OTOP3: variants seen among roughly 807,000 people sequenced by gnomAD.
OTOP3 encodes the protein proton channel OTOP3.
A neutral mutation model predicts 50.8 loss-of-function variants in OTOP3; 41 were observed. The ratio of observed to expected loss-of-function variants is 0.81; its 90% CI spans 0.63 to 1.05. The LOEUF (loss-of-function observed/expected upper bound fraction) is 1.05, where lower values mean the gene tolerates loss of function less well. OTOP3 is among the 50% of genes least tolerant of loss of function. The pLI, the probability that OTOP3 is intolerant of heterozygous loss-of-function variation, is 0.00. For missense variants in OTOP3, 788 were observed against 760.8 expected (o/e 1.04, Z -0.42); for synonymous variants, 320 against 324.4 (o/e 0.99, Z 0.14).
At chr17:74,949,208 G>A in intron 6 of OTOP3, 38 bp from the exon 7 acceptor site, 1 of 1,603,246 alleles carries the variant, frequency 6.2e-7, no homozygotes, top group Non-Finnish European at 8.5e-7. Context: ...TGGGGCACAG[G>A]AGAGCCCTTC....
At position 74,936,093 on chromosome 17, in the gene OTOP3, A is replaced by C. The variant is rs1377702890; in HGVS notation, c.19+153A>C. ...ACTGTGGAGAGGTGAACTCCCTTTAATCTGAGGCCGGCCCCTCCACCCGCC... is the reference window on the plus strand; with the variant it reads ...ACTGTGGAGAGGTGAACTCCCTTTACTCTGAGGCCGGCCCCTCCACCCGCC... On this transcript the variant is annotated intron_variant, in intron 1 of 6. Coordinates refer to ENST00000328801, the MANE Select transcript of OTOP3 (RefSeq NM_001272005.2). Among the ~76,000 whole-genome samples the C allele has an allele frequency of 2.0e-5, 3 of 152,134 alleles. No individual in the cohort carries two copies. The East Asian group carries it at 5.8e-4, about 29-fold the overall frequency.
intron 3 of OTOP3, among the ~76,000 whole-genome samples, 172 bp from the exon 4 acceptor site, chr17:74,943,114 G>A (rs979978596): frequency 6.6e-6 from 1 of 152,192 alleles, no homozygotes; most frequent in Admixed American, 6.5e-5. Context: ...AAGGCTCAGA[G>A]ATGGTTTGCC....
chr17:74,940,768 T>A (rs1423722668), intron 1 of OTOP3, among the ~76,000 whole-genome samples: 1 of 152,100 alleles, frequency 6.6e-6, no homozygotes, highest in Non-Finnish European at 1.5e-5. Flanking sequence ...TGCTCCCTGG[T>A]GCCAAAAAAG....
chr17:74,935,822 G>GA (rs2039108264), upstream of OTOP3: 4 of 1,515,822 alleles, frequency 2.6e-6, no homozygotes, highest in African/African-American at 4.2e-5. Context: ...GAGCCCGAGC[G>GA]GCGGCTGCGC....
In OTOP3 at chr17:74,936,362, G is replaced by C. The variant is rs891356333; in HGVS notation, c.19+422G>C. Among the ~76,000 whole-genome samples the C allele has an allele frequency of 2.6e-5, 4 of 152,300 alleles. No individual in the cohort carries two copies. The South Asian group carries it at 8.3e-4, about 32-fold the overall frequency. On this transcript the variant is annotated intron_variant, in intron 1 of 6. Transcript: ENST00000328801. ...GGCGCCCGCACTCAGCAGCCTCCTC[G>C]GAGCCGGCCCTGCGCTGCTGGGCCG...
At chr17:74,941,358 T>C in intron 1 of OTOP3, 35 bp from the exon 2 acceptor site, 1 of 1,453,196 alleles carries the variant, frequency 6.9e-7, no homozygotes, top group Non-Finnish European at 9.1e-7. Context: ...CAGGACAGCC[T>C]GGCAGTTAAC....
chr17:74,947,436 C>A lies in OTOP3; in HGVS notation c.1527C>A (p.Leu509=), dbSNP rs779631851. ...YSHLNWKRRA[L]KEISLFLILC... The stretch of plus-strand genomic sequence containing the variant: ...ACCTCAACTGGAAGCGGAGGGCACT[C>A]AAGGAGATCTCACTCTTCCTCATCC... The change falls in exon 6 of 7, where the codon CTC becomes CTA. Residue 509 remains leucine (L), a synonymous_variant. Transcript: ENST00000328801. 4 of 1,610,768 alleles carry A rather than the reference C, an allele frequency of 2.5e-6. No homozygotes were observed. The South Asian group carries it at 4.4e-5, about 18-fold the overall frequency.
In OTOP3 at chr17:74,943,362, C is replaced by T; in HGVS notation, c.632+18C>T. ...TTCACTAGGTAAGACTTCTCTCCCT[C>T]CCAAACCCTCTGGCCTCTCTGTCCT... On this transcript the variant is annotated intron_variant, in intron 4 of 6. Coordinates refer to ENST00000328801, the MANE Select transcript of OTOP3 (RefSeq NM_001272005.2). 6.2e-7 allele frequency: 1 copy of T among 1,610,986 alleles called. No homozygotes were observed.
rs537929901 is a variant in OTOP3, at chr17:74,945,693, G to A, written c.752-968G>A. Among the ~76,000 whole-genome samples, 6 of 152,292 alleles carry A rather than the reference G, an allele frequency of 3.9e-5. No individual in the cohort carries two copies. The South Asian group carries it at 6.2e-4, about 16-fold the overall frequency. The stretch of plus-strand genomic sequence containing the variant: ...CTGCTAAGGCCGATGGCTGGGTTCC[G>A]CTGTCACAGCCACGGGTTTTCCCTT... On this transcript the variant is annotated intron_variant, in intron 5 of 6. Coordinates refer to ENST00000328801, the MANE Select transcript of OTOP3 (RefSeq NM_001272005.2).
rs759604087 is a variant in OTOP3 at position 74,946,684 on chromosome 17, T to C, written c.775T>C (p.Cys259Arg). 3 of 1,611,462 alleles carry C rather than the reference T, an allele frequency of 1.9e-6. No homozygotes were observed. In the Admixed American group the frequency reaches 5.0e-5, roughly 27 times the overall value. The change falls in exon 6 of 7, where the codon TGC becomes CGC. Residue 259 changes from cysteine to arginine, a missense_variant. Transcript: ENST00000328801. The part of the protein sequence containing the change: ...STGNETNTCL[C>R]LNATACEAFR... ...AGGCAATGAGACCAACACCTGTCTGTGCCTCAATGCCACCGCGTGTGAAGC... is the reference window on the plus strand; with the variant it reads ...AGGCAATGAGACCAACACCTGTCTGCGCCTCAATGCCACCGCGTGTGAAGC...
rs115086379 is a variant in OTOP3, at chr17:74,943,688, G to A, written c.715G>A (p.Glu239Lys). 2.1e-3 allele frequency: 3,379 copies of A among 1,611,054 alleles called. 76 individuals carry two copies. The African/African-American group carries it at 0.039, about 18-fold the overall frequency. Reference protein sequence around the residue: ...VTNDSMHREIEAELGILMEKS... With the variant: ...VTNDSMHREIKAELGILMEKS... ...CAATGACTCCATGCACCGAGAGATC[G>A]AAGCTGAGCTTGGCATCCTCATGGA... is the stretch of plus-strand genomic sequence containing the variant. Residue 239 changes from glutamate (E) to lysine (K), a missense_variant, in exon 5 of 7, where the codon GAA becomes AAA. Physicochemically the swap from Glu to Lys is moderately conservative, Grantham distance 56. Coordinates refer to ENST00000328801, the MANE Select transcript of OTOP3 (RefSeq NM_001272005.2).
intron 1 of OTOP3, among the ~76,000 whole-genome samples, chr17:74,937,528 G>C (rs2039131061): frequency 6.6e-6 from 1 of 152,200 alleles, no homozygotes; most frequent in African/African-American, 2.4e-5. Flanking sequence ...ATGGAGCAGG[G>C]AGACATCCCG....
Position 74,941,592 on chromosome 17 carries a change from G to T in OTOP3, c.219G>T (p.Ser73=). The T allele has an allele frequency of 6.2e-7, 1 of 1,612,600 alleles. No homozygotes were observed. Among genetic ancestry groups the T allele is most frequent in the South Asian group, 1.1e-5 (1 of 90,860 alleles). The change falls in exon 2 of 7, where the codon TCG becomes TCT. Residue 73 remains serine, a synonymous_variant. Coordinates refer to ENST00000328801, the MANE Select transcript of OTOP3 (RefSeq NM_001272005.2). ...RQAQKAGQLF[S]GLLALNVVFL... is the part of the protein sequence containing the mutation. ...CCCAGAAGGCTGGACAACTCTTCTC[G>T]GGGCTCCTGGCCCTGAATGTGGTGT... is the stretch of plus-strand genomic sequence containing the variant.
Position 74,949,636 on chromosome 17 carries a change from G to T in OTOP3, c.*220G>T. ...CTTCTGATGCCCACGGCCAGGCCTGGGCACATGCCTGCCCCCTGCCTTCCC... is the reference window on the plus strand; with the variant it reads ...CTTCTGATGCCCACGGCCAGGCCTGTGCACATGCCTGCCCCCTGCCTTCCC... On this transcript the variant is annotated 3_prime_UTR_variant, in exon 7 of 7. Coordinates refer to ENST00000328801, the MANE Select transcript of OTOP3 (RefSeq NM_001272005.2). 1.8e-6 allele frequency: 1 copy of T among 565,214 alleles called. No individual in the cohort carries two copies. Among genetic ancestry groups the T allele is most frequent in the Non-Finnish European group, 3.1e-6 (1 of 326,032 alleles). The allele number at this position is 565,214 out of a possible 1,614,324, so 35.0% of individuals were successfully genotyped here.
At chr17:74,948,256 G>A (rs1347143692) in intron 6 of OTOP3, among the ~76,000 whole-genome samples, 1 of 152,192 alleles carries the variant, frequency 6.6e-6, no homozygotes, top group East Asian at 1.9e-4. Context: ...GGGCACAGTG[G>A]CTCACACCTG....
intron 4 of OTOP3, 82 bp from the exon 5 acceptor site, chr17:74,943,524 G>T: frequency 7.0e-7 from 1 of 1,430,206 alleles, no homozygotes; most frequent in East Asian, 2.3e-5. Context: ...GTGAGTGGTT[G>T]CCCCAACAAC....
intron 5 of OTOP3, 21 bp downstream of exon 5, chr17:74,943,745 C>A: frequency 4.1e-6 from 6 of 1,478,758 alleles, no homozygotes; most frequent in Non-Finnish European, 5.6e-6. Context: ...GAGACCAGGT[C>A]TTCCTTGCCC....
chr17:74,947,280 C>T lies in OTOP3; in HGVS notation c.1371C>T (p.Arg457=), dbSNP rs2039238339. The T allele has an allele frequency of 3.1e-6, 5 of 1,613,552 alleles. No homozygotes were observed. The highest frequency in any genetic ancestry group is 3.3e-4 in the Middle Eastern group (2 of 6,062). The part of the protein sequence containing the change: ...NLFIIEGLHR[R]PLWETVPEGL... ...TCATCATCGAGGGCCTGCACCGGCG[C>T]CCACTCTGGGAGACAGTTCCCGAGG... The change falls in exon 6 of 7, where the codon CGC becomes CGT. Residue 457 remains arginine (R), a synonymous_variant. Coordinates refer to ENST00000328801, the MANE Select transcript of OTOP3 (RefSeq NM_001272005.2).
In OTOP3 at chr17:74,946,538, A is replaced by G. The variant is rs554613252; in HGVS notation, c.752-123A>G. 5.1e-6 allele frequency: 4 copies of G among 781,968 alleles called. No homozygotes were observed. In the African/African-American group the frequency reaches 6.9e-5, roughly 14 times the overall value. 48.4% of individuals were successfully genotyped at this position (781,968 alleles called of 1,614,324 possible). A position where few individuals can be genotyped will look rare whatever the true frequency, so the allele number is the denominator to read the frequency against. On this transcript the variant is annotated intron_variant, in intron 5 of 6. Transcript: ENST00000328801. ...GGGCCTCAGTTTCCACATTGGTAAA[A>G]TGAGCGGCTGGGTCGCTTTCAGCTC...
Sources: gnomAD v4.1 joint callset for allele counts (sites outside exome capture counted in the v4.1 genomes callset) on GRCh38, gnomAD v4.1.1 for gene constraint, MANE v1.5 for transcripts, NCBI Gene and HGNC (gene_info 2026-07-23, HGNC 2026-07-21) for gene names.